The following LOXHD1 variants were observed in gnomAD, a reference collection of about 807,000 sequenced individuals.
The protein encoded by LOXHD1 is lipoxygenase homology PLAT domains 1, also known as lipoxygenase homology domain-containing protein 1.
A neutral mutation model predicts 248.2 loss-of-function variants in LOXHD1; 205 were observed. The ratio of observed to expected loss-of-function variants is 0.83; its 90% CI spans 0.74 to 0.93. The LOEUF (loss-of-function observed/expected upper bound fraction) is 0.93, where lower values mean the gene tolerates loss of function less well. Ranked by LOEUF, LOXHD1 falls within the 40% of genes least tolerant of loss-of-function variation. LOXHD1 has a pLI of 0.00. For synonymous variants in LOXHD1, 1,113 were observed against 1,162.8 expected, an observed-to-expected ratio of 0.96 and a Z score of 0.87; for missense variants, 2,930 against 2,971.6, an observed-to-expected ratio of 0.99 and a Z score of 0.33.
intron 4 of LOXHD1, among the ~76,000 whole-genome samples, chr18:46,626,846 G>A (rs1050400663): frequency 2.0e-5 from 3 of 152,228 alleles, no homozygotes; most frequent in African/African-American, 7.2e-5. Flanking sequence ...TTAGATGGGG[G>A]TAACAATAAA....
chr18:46,604,040 T>C (rs1042295880), intron 7 of LOXHD1, 66 bp downstream of exon 7: 1 of 1,543,302 alleles, frequency 6.5e-7, no homozygotes, highest in East Asian at 2.5e-5. Flanking sequence ...GCCCCACAGA[T>C]GCCAACAGCG....
intron 21 of LOXHD1, chr18:46,555,149 T>C (rs1215383509): frequency 2.1e-6 from 1 of 471,178 alleles, no homozygotes; most frequent in South Asian, 1.5e-5. Flanking sequence ...AAGGGGAAGC[T>C]GGGGATGTTC....
chr18:46,566,050 C>T (rs920799179), intron 17 of LOXHD1, among the ~76,000 whole-genome samples: 1 of 152,190 alleles, frequency 6.6e-6, no homozygotes, highest in Non-Finnish European at 1.5e-5. Context: ...CCATTGGGTC[C>T]TCAGTTTCCT....
chr18:46,559,147 C>T (rs756939545), intron 20 of LOXHD1: 328 of 1,382,564 alleles, frequency 2.4e-4, no homozygotes, highest in Non-Finnish European at 3.0e-4. Context: ...CGAGGACTTC[C>T]TCTTGAACCC....
intron 5 of LOXHD1, among the ~76,000 whole-genome samples, chr18:46,616,665 A>C (rs2038592042): frequency 6.6e-6 from 1 of 152,076 alleles, no homozygotes; most frequent in Non-Finnish European, 1.5e-5. Context: ...GGTAAACTCT[A>C]TTTATCTTTG....
Position 46,546,952 on chromosome 18 carries a change from C to T in LOXHD1, c.3457G>A (p.Glu1153Lys), listed in dbSNP as rs2036870549. 1 of 1,551,732 alleles carries T rather than the reference C, an allele frequency of 6.4e-7. No homozygotes were observed. Residue 1153 changes from glutamate (E) to lysine (K), a missense_variant, in exon 22 of 41, where the codon GAG becomes AAG. By Grantham distance (56) the Glu-to-Lys change is moderately conservative. Transcript: ENST00000642948. ...DESYVLPQSE[E>K]GRGGGDNNPL... ...TTGTTGTCACCGCCTCCCCTACCCT[C>T]CTCGCTCTGTGGCAGCACATAGGAC... is the stretch of plus-strand genomic sequence containing the variant.
At chr18:46,505,605 C>G (rs965448833) in intron 37 of LOXHD1, among the ~76,000 whole-genome samples, 2 of 152,208 alleles carry the variant, frequency 1.3e-5, no homozygotes, top group East Asian at 1.9e-4. Flanking sequence ...TGGAGAACCA[C>G]TAATCACCCA....
chr18:46,544,353 T>C (rs2036701950), intron 23 of LOXHD1, among the ~76,000 whole-genome samples: 2 of 152,200 alleles, frequency 1.3e-5, no homozygotes, highest in Admixed American at 1.3e-4. Context: ...TGTTGGATGC[T>C]CAAGAATTTG....
intron 40 of LOXHD1, among the ~76,000 whole-genome samples, chr18:46,483,356 C>T (rs190253071): frequency 1.3e-5 from 2 of 152,230 alleles, no homozygotes; most frequent in African/African-American, 4.8e-5. Context: ...CTAGATGCAC[C>T]CCAGGTCATC....
chr18:46,557,267 AC>A (rs1299860187), intron 21 of LOXHD1, 88 bp downstream of exon 21: 1 of 1,367,200 alleles, frequency 7.3e-7, no homozygotes, highest in Non-Finnish European at 9.9e-7. Context: ...CAGCCGGCCC[AC>A]CCCCAGTCTT....
At chr18:46,511,276 T>C (rs1032594518) in intron 34 of LOXHD1, among the ~76,000 whole-genome samples, 4 of 152,154 alleles carry the variant, frequency 2.6e-5, no homozygotes, top group African/African-American at 9.7e-5. Flanking sequence ...CCCAACTCAC[T>C]AGCCACATCC....
intron 5 of LOXHD1, among the ~76,000 whole-genome samples, chr18:46,615,518 A>C (rs972401648): frequency 1.3e-5 from 2 of 152,142 alleles, no homozygotes; most frequent in Non-Finnish European, 2.9e-5. Flanking sequence ...TAATTTTTAA[A>C]TGGGGTGAGA....
At chr18:46,608,479 C>T (rs2038456076) in intron 6 of LOXHD1, among the ~76,000 whole-genome samples, 1 of 152,148 alleles carries the variant, frequency 6.6e-6, no homozygotes, top group African/African-American at 2.4e-5. Context: ...TCCACTAAAC[C>T]TTGTGTTTTT....
At chr18:46,571,795 G>A (rs1043275129) in intron 15 of LOXHD1, among the ~76,000 whole-genome samples, 4 of 152,114 alleles carry the variant, frequency 2.6e-5, no homozygotes, top group African/African-American at 9.7e-5. Context: ...CTCTTCTTAA[G>A]GCCTGAATGA....
At chr18:46,610,669 G>A (rs1474802192) in intron 6 of LOXHD1, 107 bp downstream of exon 6, 1 of 1,284,132 alleles carries the variant, frequency 7.8e-7, no homozygotes, top group Non-Finnish European at 1.0e-6. Context: ...AAGAGTGGAT[G>A]CAGATGGACC....
chr18:46,634,109 T>A (rs184363704), intron 4 of LOXHD1, among the ~76,000 whole-genome samples: 1 of 152,298 alleles, frequency 6.6e-6, no homozygotes, highest in East Asian at 1.9e-4. Flanking sequence ...AAACAGGGAC[T>A]TGAACAAATA....
intron 4 of LOXHD1, among the ~76,000 whole-genome samples, chr18:46,623,564 C>T (rs998843121): frequency 6.6e-6 from 1 of 152,238 alleles, no homozygotes; most frequent in East Asian, 1.9e-4. Context: ...CCTTGCCCTG[C>T]TCAGTGGATG....
At chr18:46,491,043 G>A (rs1382637660) in intron 37 of LOXHD1, among the ~76,000 whole-genome samples, 1 of 152,214 alleles carries the variant, frequency 6.6e-6, no homozygotes, top group East Asian at 1.9e-4. Context: ...TGGAATATAG[G>A]AAGGAAGAGA....
chr18:46,592,834 G>A (rs914455011), intron 10 of LOXHD1, among the ~76,000 whole-genome samples: 2 of 152,104 alleles, frequency 1.3e-5, no homozygotes, highest in Non-Finnish European at 2.9e-5. Context: ...CAAAAATAAC[G>A]GCCCCACAGT....
Sources: gnomAD v4.1 joint callset for allele counts (sites outside exome capture counted in the v4.1 genomes callset) on GRCh38, gnomAD v4.1.1 for gene constraint, MANE v1.5 for transcripts, NCBI Gene and HGNC (gene_info 2026-07-23, HGNC 2026-07-21) for gene names.